The following PCDHGA4 variants were observed in gnomAD, a reference collection of about 807,000 sequenced individuals.
PCDHGA4 encodes protocadherin gamma-A4.
PCDHGA4 carries 38 observed loss-of-function variants against 54.6 expected under a neutral mutation model. That is an observed-to-expected ratio of 0.70 (90% CI 0.54 to 0.91). The LOEUF (loss-of-function observed/expected upper bound fraction) is 0.91, where lower values mean the gene tolerates loss of function less well. Ranked by LOEUF, PCDHGA4 falls within the 40% of genes least tolerant of loss-of-function variation. The pLI, the probability that PCDHGA4 is intolerant of heterozygous loss-of-function variation, is 0.00. For missense variants in PCDHGA4, 1,298 were observed against 1,220.9 expected (o/e 1.06, Z -0.94); for synonymous variants, 511 against 512.9 (o/e 1.00, Z 0.05).
chr5:141,492,873 C>G (rs2099744714), intron 1 of PCDHGA4, among the ~76,000 whole-genome samples: 1 of 152,182 alleles, frequency 6.6e-6, no homozygotes, highest in Non-Finnish European at 1.5e-5. Context: ...CTCTCAACCC[C>G]CAGAGATACA....
Position 141,511,132 on chromosome 5 carries a change from A to G in PCDHGA4, c.2848A>G (p.Asn950Asp). The change falls in exon 4 of 4, where the codon AAT (asparagine) becomes GAT (aspartate). Residue 950 changes from asparagine to aspartate, a missense_variant. Coordinates refer to ENST00000571252, the MANE Select transcript of PCDHGA4 (RefSeq NM_018917.4). ...GGATGGCAAGGCCCCAGCAGGTGGC[A>G]ATGGCAACAAGAAGAAGTCGGGCAA... ...KRDGKAPAGG[N>D]GNKKKSGKKE... is the part of the protein sequence containing the mutation. The G allele has an allele frequency of 6.2e-7, 1 of 1,614,218 alleles. No individual in the cohort carries two copies. Among genetic ancestry groups the G allele is most frequent in the Non-Finnish European group, 8.5e-7 (1 of 1,180,018 alleles).
rs1233801398 is a variant in PCDHGA4, at chr5:141,431,238, C to T, written c.2515-63569C>T. The stretch of plus-strand genomic sequence containing the variant: ...TTCCCTCTACCCCACGCCTGGGATC[C>T]GGATATCGGGAAGAACTCTCTGCAG... On this transcript the variant is annotated intron_variant, in intron 1 of 3. Coordinates refer to ENST00000571252, the MANE Select transcript of PCDHGA4 (RefSeq NM_018917.4). This position sits in a 1 kb window ranked among gnomAD's most constrained non-coding sequence, Gnocchi z 4.8. The T allele has an allele frequency of 3.7e-6, 6 of 1,614,156 alleles. No homozygotes were observed. Among genetic ancestry groups the T allele is most frequent in the Non-Finnish European group, 8.5e-7 (1 of 1,180,038 alleles).
chr5:141,489,060 TC>T lies in PCDHGA4; in HGVS notation c.2515-5741del, dbSNP rs1037208652. 41 of 300,146 alleles carry T rather than the reference TC, an allele frequency of 1.4e-4. No individual in the cohort carries two copies. The highest frequency in any genetic ancestry group is 2.3e-4 in the Non-Finnish European group (38 of 162,914). The allele number at this position is 300,146 out of a possible 1,614,324, so 18.6% of individuals were successfully genotyped here. A position where few individuals can be genotyped will look rare whatever the true frequency, so the allele number is the denominator to read the frequency against. On this transcript the variant is annotated intron_variant, in intron 1 of 3. Coordinates refer to ENST00000571252, the MANE Select transcript of PCDHGA4 (RefSeq NM_018917.4). This position sits in a 1 kb window ranked among gnomAD's most constrained non-coding sequence, Gnocchi z 4.5. ...CAGCTCCACTCAAATTCAGCTCCCC[TC>T]CCCCCTGCCCACCCCCGCCACTCGG...
In PCDHGA4 at chr5:141,487,562, G is replaced by A. The variant is rs140619162; in HGVS notation, c.2515-7245G>A. The A allele has an allele frequency of 7.7e-5, 125 of 1,614,060 alleles. 1 individual carries two copies. The highest frequency in any genetic ancestry group is 5.7e-4 in the Admixed American group (34 of 60,006). On this transcript the variant is annotated intron_variant, in intron 1 of 3. Transcript: ENST00000571252. The surrounding 1 kb of genome is among the most constrained non-coding windows in gnomAD (Gnocchi z 5.0). ...GAAGTCACCCAGTGCACCTATGGCA[G>A]GGGAGCCTGTTCGCCCAAGCTGCCC...
rs748457785 is a variant in PCDHGA4 at position 141,489,197 on chromosome 5, A to G, written c.2515-5610A>G. On this transcript the variant is annotated intron_variant, in intron 1 of 3. Coordinates refer to ENST00000571252, the MANE Select transcript of PCDHGA4 (RefSeq NM_018917.4). This position sits in a 1 kb window ranked among gnomAD's most constrained non-coding sequence, Gnocchi z 4.5. ...TCCAAGCCCTGGGTCTACCTTGGAG[A>G]CAGGACAGCACAGACTTACTCTCCA... 7 of 1,391,050 alleles carry G rather than the reference A, an allele frequency of 5.0e-6. No individual in the cohort carries two copies. Among genetic ancestry groups the G allele is most frequent in the African/African-American group, 2.9e-5 (2 of 69,150 alleles). 86.2% of individuals were successfully genotyped at this position (1,391,050 alleles called of 1,614,324 possible).
At chr5:141,421,060 A>C (rs1394861719) in intron 1 of PCDHGA4, 3 of 579,718 alleles carry the variant, frequency 5.2e-6, no homozygotes, top group Non-Finnish European at 8.8e-6. Context: ...TACCACACAA[A>C]GCGGAATGAG....
chr5:141,394,561 A>ACCTGCGGAGCTACCT, intron 1 of PCDHGA4: 2 of 1,613,954 alleles, frequency 1.2e-6, no homozygotes, highest in Non-Finnish European at 1.7e-6. Context: ...CGCTCCGCAG[A>ACCTGCGGAGCTACCT]GCGTGGCTAC....
At chr5:141,376,773 G>A (rs1773367206) in intron 1 of PCDHGA4, 1 of 400,602 alleles carries the variant, frequency 2.5e-6, no homozygotes, top group East Asian at 5.1e-5. Context: ...TGCAAGCTCC[G>A]CTTCCCGGGT....
chr5:141,427,105 A>C (rs1413188668), intron 1 of PCDHGA4: 1 of 457,776 alleles, frequency 2.2e-6, no homozygotes, highest in Non-Finnish European at 4.4e-6. Flanking sequence ...GTCAATGCGG[A>C]GATCACCTAC....
rs751318430 is a variant in PCDHGA4 at position 141,485,603 on chromosome 5, G to A, written c.2515-9204G>A. 1 of 1,612,482 alleles carries A rather than the reference G, an allele frequency of 6.2e-7. No homozygotes were observed. The stretch of plus-strand genomic sequence containing the variant: ...GCAGCAGCTGGACTTGGAAATTGGG[G>A]AGGCAGCTCCTCCAGGACAGCGTTT... On this transcript the variant is annotated intron_variant, in intron 1 of 3. Coordinates refer to ENST00000571252, the MANE Select transcript of PCDHGA4 (RefSeq NM_018917.4). This position sits in a 1 kb window ranked among gnomAD's most constrained non-coding sequence, Gnocchi z 5.7.
chr5:141,436,089 T>C (rs1001252646), intron 1 of PCDHGA4, among the ~76,000 whole-genome samples: 1 of 152,204 alleles, frequency 6.6e-6, no homozygotes, highest in Non-Finnish European at 1.5e-5. Context: ...ATAGGTAATA[T>C]TGAGAGAAAT....
At chr5:141,383,550 C>T (rs1475330366) in intron 1 of PCDHGA4, 3 of 1,611,980 alleles carry the variant, frequency 1.9e-6, no homozygotes, top group Non-Finnish European at 1.7e-6. Flanking sequence ...CCTCTGATGG[C>T]GGCGACCCGC....
chr5:141,389,471 A>T (rs1425309295), intron 1 of PCDHGA4: 1 of 1,613,092 alleles, frequency 6.2e-7, no homozygotes, highest in Non-Finnish European at 8.5e-7. Flanking sequence ...TCGAACTCAC[A>T]CTGCAGGCCC....
intron 1 of PCDHGA4, chr5:141,441,162 G>T (rs1009205566): frequency 6.6e-6 from 1 of 152,166 alleles, no homozygotes; most frequent in African/African-American, 2.4e-5. Context: ...TCCTAGAGGC[G>T]ATTTTTACTT....
At chr5:141,478,239 C>G in intron 1 of PCDHGA4, 1 of 1,614,132 alleles carries the variant, frequency 6.2e-7, no homozygotes. Flanking sequence ...TTTGTGGTCA[C>G]AGTGTTCGGA....
chr5:141,384,294 C>T, intron 1 of PCDHGA4: 1 of 1,613,864 alleles, frequency 6.2e-7, no homozygotes. Context: ...CTGAGAACAA[C>T]CCCAGAGGGG....
intron 1 of PCDHGA4, chr5:141,395,133 A>G (rs760451747): frequency 1.2e-6 from 2 of 1,614,192 alleles, no homozygotes; most frequent in Non-Finnish European, 8.5e-7. Context: ...TCCCCAGCCC[A>G]ACTACGCAGA....
intron 1 of PCDHGA4, chr5:141,418,214 G>A: frequency 6.2e-7 from 1 of 1,614,064 alleles, no homozygotes; most frequent in Non-Finnish European, 8.5e-7. Flanking sequence ...TATTTTTCAT[G>A]TCATTGTGGT....
intron 1 of PCDHGA4, chr5:141,410,094 C>A: frequency 6.2e-7 from 1 of 1,612,646 alleles, no homozygotes; most frequent in South Asian, 1.1e-5. Context: ...ACGGCTCGAG[C>A]CTTAGGCGAC....
Sources: gnomAD v4.1 joint callset for allele counts (sites outside exome capture counted in the v4.1 genomes callset) on GRCh38, gnomAD v4.1.1 for gene constraint, Gnocchi (gnomAD v3.1) non-coding constraint, MANE v1.5 for transcripts, NCBI Gene and HGNC (gene_info 2026-07-23, HGNC 2026-07-21) for gene names.